ANKRD50: variants seen among roughly 807,000 people sequenced by gnomAD.
ANKRD50 encodes ankyrin repeat domain 50.
A neutral mutation model predicts 112.0 loss-of-function variants in ANKRD50; 40 were observed. That is an observed-to-expected ratio of 0.36 (90% CI 0.28 to 0.46). The LOEUF is 0.46. Ranked by LOEUF, ANKRD50 falls within the 20% of genes least tolerant of loss-of-function variation. The probability of loss-of-function intolerance (pLI) is 1.00; values close to 1 mark genes in which losing one functional copy is unlikely to be tolerated. For missense variants in ANKRD50, 1,487 were observed against 1,701.7 expected (o/e 0.87, Z 2.22); for synonymous variants, 613 against 619.1 (o/e 0.99, Z 0.15).
intron 2 of ANKRD50, among the ~76,000 whole-genome samples, chr4:124,701,794 G>A (rs1313727850): frequency 4.0e-5 from 6 of 151,148 alleles, no homozygotes; most frequent in Non-Finnish European, 1.5e-5. Context: ...CCACACGTGT[G>A]AGCAACCACA....
intron 2 of ANKRD50, among the ~76,000 whole-genome samples, chr4:124,686,895 G>A (rs572142587): frequency 1.4e-4 from 22 of 152,170 alleles, no homozygotes; most frequent in Admixed American, 1.4e-3. Context: ...TGTGACTCCT[G>A]ACTAGCTTAA....
intron 3 of ANKRD50, among the ~76,000 whole-genome samples, chr4:124,676,270 T>A (rs1730771760): frequency 6.6e-6 from 1 of 151,678 alleles, no homozygotes; most frequent in Non-Finnish European, 1.5e-5. Flanking sequence ...TCTTAATAAT[T>A]TTTTGGTTTA....
At chr4:124,667,632 C>T (rs1321884030) in intron 4 of ANKRD50, 118 bp from the exon 5 acceptor site, 2 of 151,946 alleles carry the variant, frequency 1.3e-5, no homozygotes, top group East Asian at 3.9e-4. Flanking sequence ...ATTTACCATG[C>T]AAAGCACAAA....
At chr4:124,693,654 T>C (rs1235247870) in intron 2 of ANKRD50, among the ~76,000 whole-genome samples, 1 of 152,184 alleles carries the variant, frequency 6.6e-6, no homozygotes, top group Non-Finnish European at 1.5e-5. Flanking sequence ...CGTATCTGTA[T>C]ATTTTTCCTA....
chr4:124,672,844 A>G (rs535551395), intron 3 of ANKRD50, among the ~76,000 whole-genome samples: 1 of 152,220 alleles, frequency 6.6e-6, no homozygotes, highest in South Asian at 2.1e-4. Flanking sequence ...TAACCATAAA[A>G]GTACCCAGTT....
intron 3 of ANKRD50, among the ~76,000 whole-genome samples, chr4:124,675,505 A>G (rs976748419): frequency 6.6e-6 from 1 of 151,800 alleles, no homozygotes; most frequent in Non-Finnish European, 1.5e-5. Flanking sequence ...AAGGTTTGTC[A>G]ATGTTAAATT....
chr4:124,690,042 G>A (rs540612103), intron 2 of ANKRD50, among the ~76,000 whole-genome samples: 16 of 152,178 alleles, frequency 1.1e-4, no homozygotes, highest in African/African-American at 3.9e-4. Flanking sequence ...CTAGATAAAA[G>A]GCTGTATGAT....
Position 124,671,813 on chromosome 4 carries a change from A to G in ANKRD50, c.1464T>C (p.Thr488=). 6.2e-7 allele frequency: 1 copy of G among 1,613,876 alleles called. No homozygotes were observed. Among genetic ancestry groups the G allele is most frequent in the Non-Finnish European group, 8.5e-7 (1 of 1,179,870 alleles). The change falls in exon 4 of 5, where the codon ACT becomes ACC. Residue 488 remains threonine (T), a synonymous_variant. Coordinates refer to ENST00000504087, the MANE Select transcript of ANKRD50 (RefSeq NM_020337.3). ...NGTPVRDSLS[T]LIPKEQEVLQ... is the part of the protein sequence containing the mutation. Reference sequence around the variant, plus strand: ...GCACTTCTTGTTCCTTGGGTATCAAAGTAGAAAGGGAATCTCTGACAGGTG... The same window carrying G: ...GCACTTCTTGTTCCTTGGGTATCAAGGTAGAAAGGGAATCTCTGACAGGTG...
rs779732106 is a variant in ANKRD50 at position 124,669,296 on chromosome 4, T to C, written c.3981A>G (p.Gln1327=). ...GAGCTGAAGGTATCATAATTTTGCA[T>C]TGAGATTCTGCTGGCATTTGTTTAG... ...APPKQMPAES[Q]CKIMIPSAQQ... is the part of the protein sequence containing the mutation. Residue 1327 remains glutamine, a synonymous_variant, in exon 4 of 5, where the codon CAA becomes CAG. Transcript: ENST00000504087. 49 of 1,613,684 alleles carry C rather than the reference T, an allele frequency of 3.0e-5. No homozygotes were observed. The highest frequency in any genetic ancestry group is 3.7e-5 in the Non-Finnish European group (44 of 1,179,828).
intron 2 of ANKRD50, among the ~76,000 whole-genome samples, chr4:124,685,700 A>C (rs1248723344): frequency 6.6e-6 from 1 of 152,156 alleles, no homozygotes; most frequent in Non-Finnish European, 1.5e-5. Flanking sequence ...ATCTTAACTA[A>C]ATGTCTTACA....
At chr4:124,707,037 C>A (rs565277037) in intron 2 of ANKRD50, among the ~76,000 whole-genome samples, 1 of 151,958 alleles carries the variant, frequency 6.6e-6, no homozygotes, top group South Asian at 2.1e-4. Flanking sequence ...TGGGAAAAGT[C>A]TGTATATGAA....
chr4:124,678,607 C>T, intron 3 of ANKRD50, 69 bp downstream of exon 3: 1 of 1,420,370 alleles, frequency 7.0e-7, no homozygotes, highest in South Asian at 1.3e-5. Flanking sequence ...CAACTGCATA[C>T]TTTTTCCTCT....
rs760814049 is a variant in ANKRD50, at chr4:124,671,603, A to T, written c.1674T>A (p.Leu558=). 4 of 1,613,728 alleles carry T rather than the reference A, an allele frequency of 2.5e-6. No individual in the cohort carries two copies. Among genetic ancestry groups the T allele is most frequent in the Non-Finnish European group, 3.4e-6 (4 of 1,179,850 alleles). ...LLANAAYSGS[L]DVVNLLVSRG... Reference sequence around the variant, plus strand: ...TAGAGACAAGTAAATTGACTACATCAAGACTGCCACTATATGCAGCATTAG... The same window carrying T: ...TAGAGACAAGTAAATTGACTACATCTAGACTGCCACTATATGCAGCATTAG... The change falls in exon 4 of 5, where the codon CTT becomes CTA. Residue 558 remains leucine (L), a synonymous_variant. Transcript: ENST00000504087.
chr4:124,712,006 C>T (rs1725646245), intron 1 of ANKRD50, among the ~76,000 whole-genome samples: 1 of 152,074 alleles, frequency 6.6e-6, no homozygotes. Flanking sequence ...TTTCAGCTGA[C>T]AGACAAAAGG....
At chr4:124,691,563 C>T (rs1448648117) in intron 2 of ANKRD50, among the ~76,000 whole-genome samples, 2 of 134,444 alleles carry the variant, frequency 1.5e-5, no homozygotes, top group African/African-American at 5.5e-5. Flanking sequence ...TCTGAAGATA[C>T]TAAAGTTCAA....
chr4:124,672,606 A>T (rs1730688808), intron 3 of ANKRD50, 72 bp from the exon 4 acceptor site: 1 of 1,016,150 alleles, frequency 9.8e-7, no homozygotes, highest in Non-Finnish European at 1.4e-6. Context: ...TTCAAAGAGA[A>T]TGTCAACATA....
chr4:124,670,569 T>A lies in ANKRD50; in HGVS notation c.2708A>T (p.Lys903Ile), dbSNP rs1238712192. The A allele has an allele frequency of 2.5e-6, 4 of 1,613,140 alleles. No homozygotes were observed. In the Admixed American group the frequency reaches 5.0e-5, roughly 20 times the overall value. Residue 903 changes from lysine to isoleucine, a missense_variant, in exon 4 of 5, where the codon AAA becomes ATA. Physicochemically the swap from Lys to Ile is moderately radical, Grantham distance 102 (BLOSUM62 -3). Around this residue, in one of 2 missense-constraint regions of ANKRD50, gnomAD observed 1,046 missense variants for 1,269.5 expected, o/e 0.82. Coordinates refer to ENST00000504087, the MANE Select transcript of ANKRD50 (RefSeq NM_020337.3). Reference protein sequence around the residue: ...YDCVQILLENKSNIDQRGYDG... With the variant: ...YDCVQILLENISNIDQRGYDG... ...ATAACCTCTTTGATCAATGTTGGATTTGTTTTCCAGTAATATTTGAACACA... is the reference window on the plus strand; with the variant it reads ...ATAACCTCTTTGATCAATGTTGGATATGTTTTCCAGTAATATTTGAACACA...
Position 124,672,425 on chromosome 4 carries a change from G to A in ANKRD50, c.852C>T (p.Leu284=). The A allele has an allele frequency of 1.2e-6, 2 of 1,613,086 alleles. No individual in the cohort carries two copies. The highest frequency in any genetic ancestry group is 1.7e-6 in the Non-Finnish European group (2 of 1,179,586). Reference sequence around the variant, plus strand: ...TTAACATCTCTGCAGTTTCTTTTGTGAGGTGTTGTCGCAAAGCTTCTTCTT... The same window carrying A: ...TTAACATCTCTGCAGTTTCTTTTGTAAGGTGTTGTCGCAAAGCTTCTTCTT... The part of the protein sequence containing the change: ...LDQEEALRQH[L]TKETAEMLNQ... Residue 284 remains leucine, a synonymous_variant, in exon 4 of 5, where the codon CTC becomes CTT. Transcript: ENST00000504087.
chr4:124,671,017 C>A lies in ANKRD50; in HGVS notation c.2260G>T (p.Val754Leu). The change falls in exon 4 of 5, where the codon GTA (valine) becomes TTA (leucine). Residue 754 changes from valine to leucine, a missense_variant. By Grantham distance (32) the Val-to-Leu change is conservative. Around this residue, in one of 2 missense-constraint regions of ANKRD50, gnomAD observed 1,046 missense variants for 1,269.5 expected, o/e 0.82. Transcript: ENST00000504087. ...CDKDGMTPLL[V>L]AAYEGHVDVV... is the part of the protein sequence containing the mutation. The stretch of plus-strand genomic sequence containing the variant: ...TCAACATGTCCTTCATAGGCAGCTA[C>A]CAGCAGTGGAGTCATGCCATCTTTA... The A allele has an allele frequency of 1.9e-6, 3 of 1,613,828 alleles. No homozygotes were observed. Among genetic ancestry groups the A allele is most frequent in the Non-Finnish European group, 2.5e-6 (3 of 1,179,868 alleles).
Sources: gnomAD v4.1 joint callset for allele counts (sites outside exome capture counted in the v4.1 genomes callset) on GRCh38, gnomAD v4.1.1 for gene constraint, gnomAD v4.1.1 regional missense constraint, MANE v1.5 for transcripts, NCBI Gene and HGNC (gene_info 2026-07-23, HGNC 2026-07-21) for gene names.